The following COL26A1 variants were observed in gnomAD, a reference collection of about 807,000 sequenced individuals.
COL26A1 encodes collagen alpha-1(XXVI) chain.
COL26A1 carries 41 observed loss-of-function variants against 59.3 expected under a neutral mutation model. The ratio of observed to expected loss-of-function variants is 0.69; its 90% CI spans 0.54 to 0.90. The LOEUF is 0.90. COL26A1 is among the 40% of genes least tolerant of loss of function. COL26A1 has a pLI of 0.00. For missense variants in COL26A1, 612 were observed against 602.3 expected (o/e 1.02, Z -0.17); for synonymous variants, 266 against 256.0 (o/e 1.04, Z -0.37).
At chr7:101,470,905 G>T (rs563563506) in intron 3 of COL26A1, among the ~76,000 whole-genome samples, 1 of 152,128 alleles carries the variant, frequency 6.6e-6, no homozygotes, top group East Asian at 1.9e-4. Context: ...GCTGTCTAGG[G>T]GCCCAGCAGG....
intron 1 of COL26A1, among the ~76,000 whole-genome samples, chr7:101,409,717 G>C (rs982942205): frequency 6.6e-6 from 1 of 152,236 alleles, no homozygotes; most frequent in African/African-American, 2.4e-5. Flanking sequence ...TGAGCGAGGA[G>C]GACAGGAGAT....
In COL26A1 at chr7:101,400,351, CTATT is replaced by C. The variant is rs1791964680; in HGVS notation, c.159-19624_159-19621del. Reference sequence around the variant, plus strand: ...GTCCACACTGCCTTTCTTTTTTTTCCTATTTTTTTTTTTTTTTTTTTTTTTTTTG... The same window carrying C: ...GTCCACACTGCCTTTCTTTTTTTTCCTTTTTTTTTTTTTTTTTTTTTTTTG... On this transcript the variant is annotated intron_variant, in intron 1 of 12. Coordinates refer to ENST00000313669, the MANE Select transcript of COL26A1 (RefSeq NM_001278563.3). Among the ~76,000 whole-genome samples, 4 of 123,402 alleles carry C rather than the reference CTATT, an allele frequency of 3.2e-5. 1 individual carries two copies. Among genetic ancestry groups the C allele is most frequent in the Admixed American group, 1.8e-4 (2 of 11,338 alleles). 81.0% of individuals were successfully genotyped at this position (123,402 alleles called of 152,430 possible). A position where few individuals can be genotyped will look rare whatever the true frequency, so the allele number is the denominator to read the frequency against.
At chr7:101,547,124 C>G in intron 7 of COL26A1, 32 bp from the exon 8 acceptor site, 1 of 1,505,836 alleles carries the variant, frequency 6.6e-7, no homozygotes, top group Non-Finnish European at 9.0e-7. Flanking sequence ...GTCTGCCCCA[C>G]CAGACCCCTG....
intron 3 of COL26A1, among the ~76,000 whole-genome samples, chr7:101,463,554 CT>C (rs141507009): frequency 1.7e-5 from 2 of 115,620 alleles, no homozygotes; most frequent in East Asian, 3.2e-4. Context: ...CTCCCCTTTT[CT>C]TTTTCTTTCT....
chr7:101,532,533 C>A (rs1269974366), intron 3 of COL26A1, among the ~76,000 whole-genome samples: 2 of 152,178 alleles, frequency 1.3e-5, no homozygotes, highest in Non-Finnish European at 2.9e-5. Flanking sequence ...CTTCTCTCTG[C>A]TGAACCTGGC....
intron 3 of COL26A1, among the ~76,000 whole-genome samples, chr7:101,483,898 A>G (rs1283159629): frequency 1.3e-5 from 2 of 150,638 alleles, no homozygotes; most frequent in African/African-American, 4.9e-5. Context: ...CTGGGCTCAA[A>G]CTCCTGACCT....
At chr7:101,509,927 C>T (rs1178117054) in intron 3 of COL26A1, among the ~76,000 whole-genome samples, 2 of 151,856 alleles carry the variant, frequency 1.3e-5, no homozygotes, top group Non-Finnish European at 2.9e-5. Context: ...GGGGTTTCAC[C>T]ATGTTGGCCA....
chr7:101,429,379 C>T (rs570077829), intron 2 of COL26A1, among the ~76,000 whole-genome samples: 9 of 152,152 alleles, frequency 5.9e-5, no homozygotes, highest in African/African-American at 1.2e-4. Context: ...TTGTTGAAGA[C>T]GTCTCCTTTA....
chr7:101,451,750 G>A (rs976628844), intron 3 of COL26A1, among the ~76,000 whole-genome samples: 5 of 150,056 alleles, frequency 3.3e-5, no homozygotes, highest in African/African-American at 1.2e-4. Context: ...TGTTGCCCAG[G>A]CTGGAGTGCA....
intron 1 of COL26A1, among the ~76,000 whole-genome samples, chr7:101,391,012 C>G (rs116656669): frequency 0.017 from 2,544 of 152,322 alleles, 66 homozygotes; most frequent in African/African-American, 0.057. Flanking sequence ...TCTGGCCTGA[C>G]CTGCTAACCA....
rs766886250 is a variant in COL26A1, at chr7:101,557,428, C to T, written c.1224C>T (p.Leu408=). The change falls in exon 13 of 13, where the codon CTC becomes CTT. Residue 408 remains leucine (L), a synonymous_variant. Transcript: ENST00000313669. ...SGQDAALRAN[L]KMKRGGAQPD... is the part of the protein sequence containing the mutation. ...AGGATGCTGCCCTGAGAGCCAACCT[C>T]AAGATGAAGAGGGGTGGCGCCCAAC... 3 of 1,613,706 alleles carry T rather than the reference C, an allele frequency of 1.9e-6. No homozygotes were observed. In the African/African-American group the frequency reaches 4.0e-5, roughly 22 times the overall value.
chr7:101,364,445 T>C (rs374235106), intron 1 of COL26A1, among the ~76,000 whole-genome samples: 2 of 151,924 alleles, frequency 1.3e-5, no homozygotes, highest in East Asian at 3.9e-4. Context: ...AATCTCCATT[T>C]CTTTTGATCC....
intron 11 of COL26A1, among the ~76,000 whole-genome samples, chr7:101,554,136 A>G (rs971969121): frequency 3.3e-5 from 5 of 152,112 alleles, no homozygotes; most frequent in Non-Finnish European, 7.4e-5. Context: ...AGTGATTGCC[A>G]GAGAATGAGA....
At chr7:101,377,679 A>C (rs1791351700) in intron 1 of COL26A1, among the ~76,000 whole-genome samples, 1 of 151,678 alleles carries the variant, frequency 6.6e-6, no homozygotes, top group Admixed American at 6.6e-5. Context: ...CTCCTCCCTC[A>C]GCCTCCCAAA....
chr7:101,374,184 C>T (rs7796766), intron 1 of COL26A1, among the ~76,000 whole-genome samples: 88,200 of 152,008 alleles, frequency 0.58, 27,160 homozygotes, highest in African/African-American at 0.8. Context: ...TACCTGCCTC[C>T]CAGAAACCAG....
intron 2 of COL26A1, among the ~76,000 whole-genome samples, chr7:101,422,176 G>A (rs1009921756): frequency 1.3e-5 from 2 of 152,084 alleles, no homozygotes; most frequent in African/African-American, 2.4e-5. Flanking sequence ...GCCAGACGTG[G>A]TGGTGGGCAC....
chr7:101,460,472 C>T (rs1793583339), intron 3 of COL26A1, among the ~76,000 whole-genome samples: 1 of 152,052 alleles, frequency 6.6e-6, no homozygotes, highest in African/African-American at 2.4e-5. Flanking sequence ...GATACTCCAG[C>T]ATCTCTCTCC....
intron 3 of COL26A1, among the ~76,000 whole-genome samples, chr7:101,504,311 G>C (rs1334178177): frequency 1.3e-5 from 2 of 152,138 alleles, no homozygotes; most frequent in African/African-American, 4.8e-5. Context: ...ATTTTGGCCA[G>C]GCTGCTCTCA....
At chr7:101,462,721 C>G (rs973211212) in intron 3 of COL26A1, among the ~76,000 whole-genome samples, 1 of 152,116 alleles carries the variant, frequency 6.6e-6, no homozygotes, top group African/African-American at 2.4e-5. Flanking sequence ...GCTTCCGGCC[C>G]CCGGTGACAC....
Sources: allele counts gnomAD v4.1 joint callset (sites outside exome capture counted in the v4.1 genomes callset), GRCh38; gene constraint gnomAD v4.1.1; transcripts MANE v1.5; gene names NCBI Gene and HGNC (gene_info 2026-07-23, HGNC 2026-07-21).